Variants in PLPPR1 observed in about 807,000 individuals in gnomAD.
PLPPR1 encodes phospholipid phosphatase-related protein type 1.
Under a neutral mutation model 33.1 loss-of-function variants are expected in PLPPR1, and 10 were observed. The observed-to-expected ratio is 0.30, with a 90% CI of 0.19 to 0.51. The LOEUF (loss-of-function observed/expected upper bound fraction) is 0.51, where lower values mean the gene tolerates loss of function less well. Among genes scored for constraint, PLPPR1 ranks in the 20% least tolerant of loss-of-function variants. PLPPR1 has a pLI of 0.97. For missense variants in PLPPR1, 304 were observed against 408.1 expected, an observed-to-expected ratio of 0.74 and a Z score of 2.20; for synonymous variants, 151 against 151.0, an observed-to-expected ratio of 1.00 and a Z score of 0.00.
intron 1 of PLPPR1, among the ~76,000 whole-genome samples, chr9:101,074,823 T>A (rs1830517961): frequency 6.6e-6 from 1 of 152,030 alleles, no homozygotes; most frequent in Admixed American, 6.6e-5. Flanking sequence ...GAAACATGTT[T>A]GGTGCAATGA....
At chr9:101,242,411 T>C (rs1409222204) in intron 2 of PLPPR1, among the ~76,000 whole-genome samples, 1 of 151,984 alleles carries the variant, frequency 6.6e-6, no homozygotes, top group African/African-American at 2.4e-5. Context: ...CTTCCATCTT[T>C]GTGTTTTATT....
chr9:101,201,187 C>A (rs910973974), intron 2 of PLPPR1, among the ~76,000 whole-genome samples: 1 of 152,106 alleles, frequency 6.6e-6, no homozygotes, highest in Admixed American at 6.5e-5. Flanking sequence ...TTCATAAGGA[C>A]CTAAATTCTA....
chr9:101,301,596 G>A (rs748804121), intron 4 of PLPPR1, among the ~76,000 whole-genome samples: 4 of 152,160 alleles, frequency 2.6e-5, no homozygotes, highest in Non-Finnish European at 4.4e-5. Flanking sequence ...GTGCAGTATC[G>A]ATAGGAGAAA....
intron 3 of PLPPR1, among the ~76,000 whole-genome samples, chr9:101,275,682 A>G (rs1291746036): frequency 6.6e-6 from 1 of 152,202 alleles, no homozygotes; most frequent in East Asian, 1.9e-4. Context: ...TCAGCAGAGA[A>G]TCTGATTTAC....
intron 3 of PLPPR1, among the ~76,000 whole-genome samples, chr9:101,275,518 G>A (rs531266879): frequency 1.2e-4 from 19 of 152,274 alleles, no homozygotes; most frequent in Non-Finnish European, 1.2e-4. Flanking sequence ...CTGTGTCCCC[G>A]TTTAGCCCAA....
chr9:101,246,109 TAGATAG>T (rs1827606915), intron 2 of PLPPR1, among the ~76,000 whole-genome samples: 4 of 113,684 alleles, frequency 3.5e-5, no homozygotes, highest in African/African-American at 1.3e-4. Context: ...TATATATATA[TAGATAG>T]ATAGATAGAT....
chr9:101,196,434 G>C (rs140615155), intron 2 of PLPPR1, among the ~76,000 whole-genome samples: 3 of 152,130 alleles, frequency 2.0e-5, no homozygotes, highest in Non-Finnish European at 4.4e-5. Context: ...GAATATGACA[G>C]ATTTTACTGC....
intron 2 of PLPPR1, among the ~76,000 whole-genome samples, chr9:101,200,812 AG>A (rs1185047591): frequency 2.0e-5 from 3 of 152,214 alleles, no homozygotes; most frequent in African/African-American, 7.2e-5. Flanking sequence ...CATAGAATGT[AG>A]ATAACTTAAA....
At chr9:101,282,464 C>T (rs75230601) in intron 3 of PLPPR1, among the ~76,000 whole-genome samples, 12,095 of 152,114 alleles carry the variant, frequency 0.08, 926 homozygotes, top group African/African-American at 0.2. Flanking sequence ...TCATGTTCAA[C>T]GGAGAAAAGT....
intron 2 of PLPPR1, chr9:101,187,664 G>A (rs1409283417): frequency 2.6e-5 from 4 of 151,650 alleles, no homozygotes. Flanking sequence ...TATTATTCCA[G>A]GTACTATAAC....
intron 2 of PLPPR1, among the ~76,000 whole-genome samples, chr9:101,216,544 A>T (rs181678289): frequency 6.6e-6 from 1 of 152,290 alleles, no homozygotes; most frequent in Admixed American, 6.5e-5. Context: ...ATGTGATCCC[A>T]TTTGACAGAG....
At chr9:101,299,076 C>G (rs1351959764) in intron 4 of PLPPR1, among the ~76,000 whole-genome samples, 1 of 152,196 alleles carries the variant, frequency 6.6e-6, no homozygotes, top group East Asian at 1.9e-4. Flanking sequence ...AACTTTCTTT[C>G]TGAGCCATGA....
rs144013313 is a variant in PLPPR1 at position 101,120,710 on chromosome 9, A to C, written c.-45-64740A>C. On this transcript the variant is annotated intron_variant, in intron 1 of 7. Coordinates refer to ENST00000374874, the MANE Select transcript of PLPPR1 (RefSeq NM_207299.2). Reference sequence around the variant, plus strand: ...TGTAAGTGTGGGGTCATCACCAAAGAAAGGGTTTGAGGACCAGTTACTCAG... The same window carrying C: ...TGTAAGTGTGGGGTCATCACCAAAGCAAGGGTTTGAGGACCAGTTACTCAG... Among the ~76,000 whole-genome samples, 234 of 151,114 alleles carry C rather than the reference A, an allele frequency of 1.5e-3. 8 individuals are homozygous for C. The East Asian group carries it at 0.036, about 23-fold the overall frequency.
intron 1 of PLPPR1, among the ~76,000 whole-genome samples, chr9:101,099,494 C>T (rs1279511682): frequency 2.0e-5 from 3 of 152,116 alleles, no homozygotes; most frequent in African/African-American, 7.2e-5. Flanking sequence ...GTTACCCATC[C>T]ATGAATTCAA....
intron 4 of PLPPR1, among the ~76,000 whole-genome samples, chr9:101,302,025 C>T (rs1490068245): frequency 4.6e-5 from 7 of 152,142 alleles, no homozygotes; most frequent in African/African-American, 7.2e-5. Flanking sequence ...TAAGCTTAGA[C>T]AATTATGATT....
intron 4 of PLPPR1, among the ~76,000 whole-genome samples, chr9:101,293,425 A>C (rs1350677105): frequency 2.6e-5 from 4 of 151,958 alleles, no homozygotes; most frequent in African/African-American, 7.3e-5. Context: ...ATACCCAGGA[A>C]TTGAACTCAG....
chr9:101,206,319 TCA>T (rs1454533152), intron 2 of PLPPR1, among the ~76,000 whole-genome samples: 2 of 152,220 alleles, frequency 1.3e-5, no homozygotes, highest in Non-Finnish European at 2.9e-5. Context: ...ATTTCCAGGT[TCA>T]TACTCTCAAC....
chr9:101,242,870 T>A (rs78998734), intron 2 of PLPPR1, among the ~76,000 whole-genome samples: 1 of 152,064 alleles, frequency 6.6e-6, no homozygotes, highest in African/African-American at 2.4e-5. Flanking sequence ...ATGGTGAGCA[T>A]TGTCATGCAA....
chr9:101,068,776 C>T lies in PLPPR1; in HGVS notation c.-46+39674C>T, dbSNP rs552275254. 3.3e-5 allele frequency among the ~76,000 whole-genome samples: 5 copies of T among 151,998 alleles called. No individual in the cohort carries two copies. The East Asian group carries it at 7.8e-4, about 24-fold the overall frequency. On this transcript the variant is annotated intron_variant, in intron 1 of 7. Transcript: ENST00000374874. ...AAGAGAGTGTTTGATTCATGTAAGG[C>T]AATCAAAACTATAATCCACTGCTAG...
Sources: allele counts gnomAD v4.1 joint callset (sites outside exome capture counted in the v4.1 genomes callset), GRCh38; gene constraint gnomAD v4.1.1; transcripts MANE v1.5; gene names NCBI Gene and HGNC (gene_info 2026-07-23, HGNC 2026-07-21).